ROBO2: variants seen among roughly 807,000 people sequenced by gnomAD.
ROBO2 encodes roundabout guidance receptor 2, also known as roundabout homolog 2.
Under a neutral mutation model 160.8 loss-of-function variants are expected in ROBO2, and 53 were observed. The ratio of observed to expected loss-of-function variants is 0.33; its 90% CI spans 0.26 to 0.41. The LOEUF is 0.41. ROBO2 is among the 10% of genes least tolerant of loss of function. The pLI, the probability that ROBO2 is intolerant of heterozygous loss-of-function variation, is 1.00. For missense variants in ROBO2, 1,577 were observed against 1,722.4 expected (o/e 0.92, Z 1.49); for synonymous variants, 664 against 611.7 (o/e 1.09, Z -1.26).
chr3:76,584,373 A>C (rs1046710340), intron 2 of ROBO2, among the ~76,000 whole-genome samples: 4 of 152,044 alleles, frequency 2.6e-5, no homozygotes, highest in African/African-American at 9.7e-5. Flanking sequence ...AGTACTTCAG[A>C]ATGTGACCTC....
chr3:77,096,491 C>A (rs868415529), intron 1 of ROBO2, among the ~76,000 whole-genome samples: 2 of 149,244 alleles, frequency 1.3e-5, no homozygotes, highest in African/African-American at 4.9e-5. Flanking sequence ...TCTTGTCACT[C>A]GGGCTGGAGT....
intron 2 of ROBO2, among the ~76,000 whole-genome samples, chr3:77,448,307 A>G (rs949165793): frequency 6.6e-6 from 1 of 152,116 alleles, no homozygotes; most frequent in African/African-American, 2.4e-5. Context: ...CTGCCCAGCT[A>G]TATAGCTGCC....
chr3:77,261,010 A>G (rs2058739449), intron 2 of ROBO2, among the ~76,000 whole-genome samples: 1 of 152,156 alleles, frequency 6.6e-6, no homozygotes, highest in African/African-American at 2.4e-5. Context: ...AGAGACTGCC[A>G]TCTCAGAAGT....
rs574233080 is a variant in ROBO2, at chr3:76,107,157, A to G, written c.109+169555A>G. 2.0e-5 allele frequency among the ~76,000 whole-genome samples: 3 copies of G among 152,276 alleles called. No homozygotes were observed. The South Asian group carries it at 6.2e-4, about 32-fold the overall frequency. On this transcript the variant is annotated intron_variant, in intron 2 of 26. Transcript: ENST00000487694. ...AAGATGTTATCTCCAGTTTAGAGGA[A>G]GAAACTGGCAGGTATTTGTTCAAGT...
chr3:76,439,188 T>C (rs1418166568), intron 2 of ROBO2, among the ~76,000 whole-genome samples: 4 of 152,162 alleles, frequency 2.6e-5, no homozygotes, highest in African/African-American at 7.2e-5. Flanking sequence ...ACAAGTACTA[T>C]GCGAGGGTCT....
In ROBO2 at chr3:77,153,686, A is replaced by G. The variant is rs1241364760; in HGVS notation, c.388+55346A>G. Among the ~76,000 whole-genome samples, 8 of 152,108 alleles carry G rather than the reference A, an allele frequency of 5.3e-5. No homozygotes were observed. In the East Asian group the frequency reaches 1.5e-3, roughly 29 times the overall value. On this transcript the variant is annotated intron_variant, in intron 2 of 25. Coordinates refer to ENST00000461745, the Ensembl canonical transcript of ROBO2. ...CCCCATTCCTTCCTTCGAAATAACA[A>G]CAACAATTCTACCAACACGCAAAAG... is the stretch of plus-strand genomic sequence containing the variant.
intron 2 of ROBO2, among the ~76,000 whole-genome samples, chr3:76,905,252 G>A (rs986280568): frequency 6.6e-6 from 1 of 152,026 alleles, no homozygotes; most frequent in African/African-American, 2.4e-5. Context: ...TCTACCACAT[G>A]TCCTATTTGT....
chr3:76,000,485 G>A (rs1186337664), intron 2 of ROBO2, among the ~76,000 whole-genome samples: 1 of 126,954 alleles, frequency 7.9e-6, no homozygotes, highest in East Asian at 2.4e-4. Context: ...ATGATTGTGC[G>A]CTTATTTTTT....
chr3:77,267,946 A>G (rs1490940445), intron 2 of ROBO2, among the ~76,000 whole-genome samples: 1 of 152,214 alleles, frequency 6.6e-6, no homozygotes, highest in Non-Finnish European at 1.5e-5. Flanking sequence ...ACAACAGAGC[A>G]CATTATTTTG....
intron 2 of ROBO2, among the ~76,000 whole-genome samples, chr3:77,185,022 C>G (rs940251900): frequency 2.3e-4 from 35 of 151,398 alleles, no homozygotes; most frequent in African/African-American, 8.5e-4. Flanking sequence ...GAGTATAATG[C>G]ATGGAGCAGA....
chr3:76,453,431 G>A (rs1049164311), intron 2 of ROBO2, among the ~76,000 whole-genome samples: 6 of 152,158 alleles, frequency 3.9e-5, no homozygotes, highest in Non-Finnish European at 1.5e-5. Context: ...TATGAAATAG[G>A]GAATCCTTTC....
At chr3:77,121,239 C>G (rs1456423353) in intron 2 of ROBO2, among the ~76,000 whole-genome samples, 2 of 152,010 alleles carry the variant, frequency 1.3e-5, no homozygotes, top group Admixed American at 1.3e-4. Flanking sequence ...GCCACCGAGC[C>G]CAGCCAAAGT....
chr3:77,509,175 G>A (rs971278182), intron 5 of ROBO2, among the ~76,000 whole-genome samples: 1 of 151,214 alleles, frequency 6.6e-6, no homozygotes, highest in Non-Finnish European at 1.5e-5. Flanking sequence ...TTGCTCCTCC[G>A]GTGCCATCTC....
chr3:77,574,381 A>T, intron 13 of ROBO2, 118 bp from the exon 15 acceptor site: 1 of 813,722 alleles, frequency 1.2e-6, no homozygotes, highest in Non-Finnish European at 2.1e-6. Flanking sequence ...GAAAGTCATG[A>T]CATCACTCAG....
chr3:77,268,867 C>G (rs1418581229), intron 2 of ROBO2, among the ~76,000 whole-genome samples: 1 of 152,178 alleles, frequency 6.6e-6, no homozygotes, highest in African/African-American at 2.4e-5. Flanking sequence ...CAGGTTTCAC[C>G]AGTGCATAGC....
chr3:77,294,465 G>A lies in ROBO2; in HGVS notation c.389-182949G>A, dbSNP rs1233811073. 8.9e-4 allele frequency among the ~76,000 whole-genome samples: 127 copies of A among 142,280 alleles called. 4 individuals are homozygous for A. The highest frequency in any genetic ancestry group is 8.2e-3 in the Admixed American group (114 of 13,968). The allele number at this position is 142,280 out of a possible 152,430, so 93.3% of individuals were successfully genotyped here. A position where few individuals can be genotyped will look rare whatever the true frequency, so the allele number is the denominator to read the frequency against. ...CCTAAAGACATAAAGTAAAATTGAC[G>A]GGTAAACGGGTAAGCTGAGGCTAGA... On this transcript the variant is annotated intron_variant, in intron 2 of 25. Transcript: ENST00000461745.
intron 2 of ROBO2, among the ~76,000 whole-genome samples, chr3:77,288,727 T>C (rs1263923631): frequency 2.0e-5 from 3 of 152,092 alleles, no homozygotes; most frequent in African/African-American, 7.2e-5. Flanking sequence ...GATCTACAAT[T>C]AGAGGATTGC....
chr3:76,737,924 A>T (rs2093739992), intron 2 of ROBO2, among the ~76,000 whole-genome samples: 1 of 152,144 alleles, frequency 6.6e-6, no homozygotes, highest in African/African-American at 2.4e-5. Context: ...AGGCAGGCAG[A>T]TCACTTGGGT....
At chr3:76,104,495 A>G (rs72894555) in intron 2 of ROBO2, among the ~76,000 whole-genome samples, 54 of 152,292 alleles carry the variant, frequency 3.5e-4, no homozygotes, top group African/African-American at 7.5e-4. Context: ...CTTGGCCTCA[A>G]TTTCCTCCTA....
Sources: allele counts gnomAD v4.1 joint callset (sites outside exome capture counted in the v4.1 genomes callset), GRCh38; gene constraint gnomAD v4.1.1; transcripts MANE v1.5; gene names NCBI Gene and HGNC (gene_info 2026-07-23, HGNC 2026-07-21).